The following OCIAD1 variants were observed in gnomAD, a reference collection of about 807,000 sequenced individuals.
OCIAD1 encodes OCIA domain containing 1.
A neutral mutation model predicts 38.9 loss-of-function variants in OCIAD1; 29 were observed. That is an observed-to-expected ratio of 0.74 (90% CI 0.55 to 1.02). OCIAD1 has a LOEUF of 1.02. Ranked by LOEUF, OCIAD1 falls within the 50% of genes least tolerant of loss-of-function variation. The pLI is 0.00. For missense variants in OCIAD1, 288 were observed against 289.6 expected (o/e 0.99, Z 0.04); for synonymous variants, 110 against 92.0 (o/e 1.20, Z -1.12).
intron 1 of OCIAD1, among the ~76,000 whole-genome samples, chr4:48,822,478 G>A (rs1777204029): frequency 6.6e-6 from 1 of 152,150 alleles, no homozygotes; most frequent in African/African-American, 2.4e-5. Context: ...TCAGGACATA[G>A]GCATGGGCAA....
At chr4:48,826,395 C>T (rs377034291), upstream of OCIAD1, among the ~76,000 whole-genome samples, 2 of 152,106 alleles carry the variant, frequency 1.3e-5, no homozygotes, top group East Asian at 3.9e-4. Flanking sequence ...TGAGTGAGAA[C>T]ATGCGGTGTT....
Position 48,833,421 on chromosome 4 carries a change from C to G in OCIAD1, c.79C>G (p.Pro27Ala). 1 of 1,602,626 alleles carries G rather than the reference C, an allele frequency of 6.2e-7. No homozygotes were observed. Among genetic ancestry groups the G allele is most frequent in the South Asian group, 1.1e-5 (1 of 90,434 alleles). ...AAAAGACATAGGGCCTGATTACATT[C>G]CAACAGAGGAAGAAAGGAGAGTCTT... ...PIPHIGPDYI[P>A]TEEERRVFAE... The change falls in exon 3 of 9, where the codon CCA (proline) becomes GCA (alanine). Residue 27 changes from proline (P) to alanine (A), a missense_variant. Coordinates refer to ENST00000264312, the MANE Select transcript of OCIAD1 (RefSeq NM_017830.4).
intron 1 of OCIAD1, among the ~76,000 whole-genome samples, chr4:48,811,205 G>A (rs1461631797): frequency 2.6e-5 from 4 of 151,942 alleles, no homozygotes; most frequent in Admixed American, 1.3e-4. Context: ...TCACATCATC[G>A]TGATCTCTTG....
upstream of OCIAD1, among the ~76,000 whole-genome samples, chr4:48,828,679 A>G (rs372029736): frequency 2.0e-4 from 31 of 152,300 alleles, no homozygotes; most frequent in African/African-American, 6.7e-4. Context: ...TGTAACACTC[A>G]CTGCGAAGGT....
intron 4 of OCIAD1, among the ~76,000 whole-genome samples, chr4:48,846,200 A>G (rs148302428): frequency 1.4e-4 from 21 of 152,288 alleles, no homozygotes; most frequent in African/African-American, 5.1e-4. Flanking sequence ...TTAATGTAAA[A>G]ATAGAGATGT....
chr4:48,820,953 C>T (rs1208550263), intron 1 of OCIAD1, among the ~76,000 whole-genome samples: 1 of 152,092 alleles, frequency 6.6e-6, no homozygotes, highest in African/African-American at 2.4e-5. Flanking sequence ...GAATTCACAG[C>T]CGAATTCTAC....
Position 48,831,189 on chromosome 4 carries a change from C to G in OCIAD1, c.-66C>G. 1 of 332,282 alleles carries G rather than the reference C, an allele frequency of 3.0e-6. No individual in the cohort carries two copies. 20.6% of individuals were successfully genotyped at this position (332,282 alleles called of 1,614,324 possible). On this transcript the variant is annotated 5_prime_UTR_variant, in exon 1 of 9. Transcript: ENST00000264312. ...CCTGCCCCCTCTCGAGTCCACCCTC[C>G]GGGCCTTCTGCCCCTGATCGCTTGG...
intron 4 of OCIAD1, among the ~76,000 whole-genome samples, chr4:48,845,973 A>G (rs945363708): frequency 3.9e-5 from 6 of 152,246 alleles, no homozygotes; most frequent in Admixed American, 3.3e-4. Context: ...TATTTCTAGC[A>G]CCTGACAGAG....
At chr4:48,840,581 A>AGTGCAATTTGTGTGTG (rs1778420267) in intron 3 of OCIAD1, among the ~76,000 whole-genome samples, 1 of 152,232 alleles carries the variant, frequency 6.6e-6, no homozygotes, top group African/African-American at 2.4e-5. Flanking sequence ...TAATAATTCA[A>AGTGCAATTTGTGTGTG]ATGTCTTAAT....
chr4:48,853,140 A>G (rs1389062732), intron 7 of OCIAD1, among the ~76,000 whole-genome samples: 2 of 151,798 alleles, frequency 1.3e-5, no homozygotes, highest in Non-Finnish European at 2.9e-5. Context: ...CGGCCTCCCA[A>G]AGTGCTGGGA....
At position 48,852,882 on chromosome 4, in the gene OCIAD1, G is replaced by GTTTTTTGTTTTTGTTTTTTT. The variant is rs1553901200; in HGVS notation, c.547+913_547+914insGTTTTTGTTTTTTTTTTTTT. Reference sequence around the variant, plus strand: ...TAAGCCAAGTTTTTTTTTGTTTTTTGTTTTTTTTTTTTTTTTTGAGATGGA... The same window carrying GTTTTTTGTTTTTGTTTTTTT: ...TAAGCCAAGTTTTTTTTTGTTTTTTGTTTTTTGTTTTTGTTTTTTTTTTTTTTTTTTTTTTTTGAGATGGA... On this transcript the variant is annotated intron_variant, in intron 7 of 8. Coordinates refer to ENST00000264312, the MANE Select transcript of OCIAD1 (RefSeq NM_017830.4). Among the ~76,000 whole-genome samples, 15 of 126,294 alleles carry GTTTTTTGTTTTTGTTTTTTT rather than the reference G, an allele frequency of 1.2e-4. 1 individual carries two copies. The highest frequency in any genetic ancestry group is 2.6e-4 in the South Asian group (1 of 3,858). The allele number at this position is 126,294 out of a possible 152,430, so 82.9% of individuals were successfully genotyped here. A position where few individuals can be genotyped will look rare whatever the true frequency, so the allele number is the denominator to read the frequency against.
chr4:48,828,194 T>G (rs1196503979), upstream of OCIAD1, among the ~76,000 whole-genome samples: 3 of 152,080 alleles, frequency 2.0e-5, no homozygotes, highest in Admixed American at 2.0e-4. Context: ...ATCAGTGCTC[T>G]GTGTCTACCT....
intron 7 of OCIAD1, among the ~76,000 whole-genome samples, chr4:48,852,882 G>GTTTTTTTGTTTTTTTTTTTTTTTTTTT (rs1779635252): frequency 4.0e-5 from 5 of 126,338 alleles, no homozygotes; most frequent in African/African-American, 1.6e-4. Context: ...TTTGTTTTTT[G>GTTTTTTTGTTTTTTTTTTTTTTTTTTT]TTTTTTTTTT....
chr4:48,853,962 T>C (rs1779765769), intron 7 of OCIAD1, among the ~76,000 whole-genome samples: 1 of 152,192 alleles, frequency 6.6e-6, no homozygotes, highest in Admixed American at 6.5e-5. Flanking sequence ...TTTTTTTCTT[T>C]AATGGTTGGA....
At chr4:48,852,176 G>A (rs201280282) in intron 7 of OCIAD1, 6 of 449,816 alleles carry the variant, frequency 1.3e-5, no homozygotes, top group Middle Eastern at 5.7e-4. Flanking sequence ...TCTGCTAGAC[G>A]TGGAAGAAGA....
intron 3 of OCIAD1, chr4:48,837,204 A>C (rs1465666156): frequency 6.7e-6 from 1 of 148,592 alleles, no homozygotes; most frequent in Non-Finnish European, 1.5e-5. Context: ...CCATCTCCTG[A>C]CCTTGTGATC....
chr4:48,812,359 T>G (rs2109488522), intron 1 of OCIAD1, among the ~76,000 whole-genome samples: 1 of 140,376 alleles, frequency 7.1e-6, no homozygotes, highest in South Asian at 2.3e-4. Flanking sequence ...TGATATGGTA[T>G]TTAAAGCCTT....
At chr4:48,822,165 C>A (rs1348226638) in intron 1 of OCIAD1, among the ~76,000 whole-genome samples, 1 of 152,160 alleles carries the variant, frequency 6.6e-6, no homozygotes, top group Non-Finnish European at 1.5e-5. Flanking sequence ...CTACAGTAAC[C>A]AAAACAGCAT....
upstream of OCIAD1, among the ~76,000 whole-genome samples, chr4:48,826,218 A>G (rs1777249171): frequency 6.6e-6 from 1 of 151,956 alleles, no homozygotes; most frequent in African/African-American, 2.4e-5. Flanking sequence ...TTTGTTACAT[A>G]TGCTTACATG....
Sources: gnomAD v4.1 joint callset for allele counts (sites outside exome capture counted in the v4.1 genomes callset) on GRCh38, gnomAD v4.1.1 for gene constraint, MANE v1.5 for transcripts, NCBI Gene and HGNC (gene_info 2026-07-23, HGNC 2026-07-21) for gene names.